Variants in TDG observed in about 807,000 individuals in gnomAD.
TDG encodes the protein G/T mismatch-specific thymine DNA glycosylase.
In TDG, 23 loss-of-function variants were observed where a neutral mutation model predicts 46.1. The ratio of observed to expected loss-of-function variants is 0.50; its 90% CI spans 0.36 to 0.71. The LOEUF is 0.71. Among genes scored for constraint, TDG ranks in the 30% least tolerant of loss-of-function variants. TDG has a pLI of 0.00. For missense variants in TDG, 304 were observed against 486.7 expected (o/e 0.62, Z 3.53); for synonymous variants, 115 against 161.3 (o/e 0.71, Z 2.18).
At chr12:103,971,675 T>G in intron 1 of TDG, among the ~76,000 whole-genome samples, 1 of 149,054 alleles carries the variant, frequency 6.7e-6, no homozygotes, top group African/African-American at 2.5e-5. Context: ...TGAGGGAGAG[T>G]GAGAGGTAGT....
rs1219607979 is a variant in TDG, at chr12:103,988,204, G to T, written c.*1114G>T. The T allele has an allele frequency of 3.3e-5, 5 of 152,258 alleles. No individual in the cohort carries two copies. The highest frequency in any genetic ancestry group is 4.4e-5 in the Non-Finnish European group (3 of 68,016). The allele number at this position is 152,258 out of a possible 1,614,324, so 9.4% of individuals were successfully genotyped here. ...CAGGTCTGGTAGATATTAAAGCTGG[G>T]TACTAAGAAATGTTATTTGCATCCT... On this transcript the variant is annotated 3_prime_UTR_variant, in exon 10 of 10. Coordinates refer to ENST00000392872, the MANE Select transcript of TDG (RefSeq NM_003211.6).
At chr12:103,970,885 A>G (rs1387151843) in intron 1 of TDG, among the ~76,000 whole-genome samples, 5 of 152,206 alleles carry the variant, frequency 3.3e-5, no homozygotes, top group South Asian at 2.1e-4. Context: ...TTCCATATCT[A>G]TGGATTCTGC....
At chr12:103,980,120 A>C (rs377372681) in intron 3 of TDG, 48 bp downstream of exon 3, 1 of 1,604,954 alleles carries the variant, frequency 6.2e-7, no homozygotes, top group Non-Finnish European at 8.5e-7. Flanking sequence ...TTGGGGGATC[A>C]GCTTTACTTA....
At chr12:103,976,125 C>G (rs1026265872) in intron 1 of TDG, among the ~76,000 whole-genome samples, 1 of 151,872 alleles carries the variant, frequency 6.6e-6, no homozygotes, top group Non-Finnish European at 1.5e-5. Context: ...AAATATAGGC[C>G]TGGGTGCAGT....
At chr12:103,980,671 T>G in intron 3 of TDG, 1 of 432,288 alleles carries the variant, frequency 2.3e-6, no homozygotes, top group Non-Finnish European at 4.1e-6. Context: ...CAAACTGGTT[T>G]TTTAAAATAA....
At chr12:103,978,559 A>G (rs1871650167) in intron 2 of TDG, among the ~76,000 whole-genome samples, 1 of 152,220 alleles carries the variant, frequency 6.6e-6, no homozygotes, top group African/African-American at 2.4e-5. Flanking sequence ...GGAGTGGCTA[A>G]GACAATGTGA....
At chr12:103,981,046 T>A in intron 4 of TDG, 84 bp downstream of exon 4, 2 of 1,264,472 alleles carry the variant, frequency 1.6e-6, no homozygotes, top group South Asian at 2.6e-5. Context: ...AATTGTGTTT[T>A]TAAAAAGAAA....
At chr12:103,971,478 C>T (rs1304403069) in intron 1 of TDG, among the ~76,000 whole-genome samples, 1 of 152,118 alleles carries the variant, frequency 6.6e-6, no homozygotes, top group African/African-American at 2.4e-5. Context: ...ATCACTTGAA[C>T]CCAGGAGGCA....
chr12:103,974,390 C>T (rs1265749741), intron 1 of TDG, among the ~76,000 whole-genome samples: 1 of 152,086 alleles, frequency 6.6e-6, no homozygotes, highest in African/African-American at 2.4e-5. Flanking sequence ...AATCCTCCTG[C>T]CTCACCCTCC....
At chr12:103,985,982 C>G (rs1872134214) in intron 9 of TDG, among the ~76,000 whole-genome samples, 1 of 152,134 alleles carries the variant, frequency 6.6e-6, no homozygotes, top group Non-Finnish European at 1.5e-5. Flanking sequence ...TGCAGTGGCT[C>G]GATCTTGGCT....
At position 103,965,890 on chromosome 12, in the gene TDG, C is replaced by A; in HGVS notation, c.-148C>A. The A allele has an allele frequency of 1.6e-6, 2 of 1,277,638 alleles. No homozygotes were observed. Among genetic ancestry groups the A allele is most frequent in the Non-Finnish European group, 2.1e-6 (2 of 938,302 alleles). 79.1% of individuals were successfully genotyped at this position (1,277,638 alleles called of 1,614,324 possible). A position where few individuals can be genotyped will look rare whatever the true frequency, so the allele number is the denominator to read the frequency against. On this transcript the variant is annotated 5_prime_UTR_variant, in exon 1 of 10. Coordinates refer to ENST00000392872, the MANE Select transcript of TDG (RefSeq NM_003211.6). Reference sequence around the variant, plus strand: ...GGACGGTAGAAGCCTGGAGGAGGAGCTTGAGTCCAGCCACTGTCTGGGTAC... The same window carrying A: ...GGACGGTAGAAGCCTGGAGGAGGAGATTGAGTCCAGCCACTGTCTGGGTAC...
intron 2 of TDG, among the ~76,000 whole-genome samples, chr12:103,977,846 C>T (rs322108): frequency 0.14 from 20,946 of 152,058 alleles, 1,597 homozygotes; most frequent in Admixed American, 0.2. Flanking sequence ...GGTAGATCAC[C>T]TGAGGTCAGG....
chr12:103,969,409 T>C (rs1338312100), intron 1 of TDG, among the ~76,000 whole-genome samples: 1 of 152,226 alleles, frequency 6.6e-6, no homozygotes, highest in Non-Finnish European at 1.5e-5. Flanking sequence ...CCTGACTTAC[T>C]ACTGAAAGAA....
chr12:103,966,134 C>T (rs1871002563), intron 1 of TDG, 74 bp downstream of exon 1: 1 of 1,411,688 alleles, frequency 7.1e-7, no homozygotes, highest in Non-Finnish European at 9.3e-7. Context: ...CGCGCGCGCG[C>T]ACGCAGGGGT....
intron 1 of TDG, among the ~76,000 whole-genome samples, chr12:103,973,363 G>A (rs1224131260): frequency 2.6e-5 from 4 of 152,140 alleles, no homozygotes; most frequent in African/African-American, 2.4e-5. Flanking sequence ...GAGATTACAG[G>A]CGTGAGCCAC....
chr12:103,968,854 C>A (rs536016664), intron 1 of TDG, among the ~76,000 whole-genome samples: 1 of 152,344 alleles, frequency 6.6e-6, no homozygotes, highest in African/African-American at 2.4e-5. Context: ...ATTGACCGGG[C>A]ACAGTGGCTG....
Position 103,982,866 on chromosome 12 carries a change from A to C in TDG, c.546A>C (p.Pro182=), listed in dbSNP as rs1291510766. Residue 182 remains proline, a synonymous_variant, in exon 5 of 10, where the codon CCA becomes CCC. Transcript: ENST00000392872. ...QLNHMDDHTL[P]GKYGIGFTNM... ...ACCATATGGATGATCACACTCTACCAGGGAAGTATGGTATTGGATTTACCA... is the reference window on the plus strand; with the variant it reads ...ACCATATGGATGATCACACTCTACCCGGGAAGTATGGTATTGGATTTACCA... 8.1e-6 allele frequency: 13 copies of C among 1,614,044 alleles called. No individual in the cohort carries two copies. The highest frequency in any genetic ancestry group is 1.1e-5 in the Non-Finnish European group (13 of 1,180,048).
chr12:103,980,888 T>C lies in TDG; in HGVS notation c.409-5T>C. On this transcript the variant is annotated splice_polypyrimidine_tract_variant and splice_region_variant and intron_variant, in intron 3 of 9. Transcript: ENST00000392872. Reference sequence around the variant, plus strand: ...GATGAAATGTCTAATTGTTTTGTTTTATAGATTGGCATAAACCCGGGACTA... The same window carrying C: ...GATGAAATGTCTAATTGTTTTGTTTCATAGATTGGCATAAACCCGGGACTA... 1 of 1,613,110 alleles carries C rather than the reference T, an allele frequency of 6.2e-7. No homozygotes were observed. The highest frequency in any genetic ancestry group is 8.5e-7 in the Non-Finnish European group (1 of 1,179,738).
At chr12:103,978,576 A>G (rs1345727527) in intron 2 of TDG, among the ~76,000 whole-genome samples, 6 of 152,234 alleles carry the variant, frequency 3.9e-5, no homozygotes, top group African/African-American at 1.4e-4. Context: ...GTGAGGCAGA[A>G]GAGAGGAGGG....
Sources: gnomAD v4.1 joint callset for allele counts (sites outside exome capture counted in the v4.1 genomes callset) on GRCh38, gnomAD v4.1.1 for gene constraint, MANE v1.5 for transcripts, NCBI Gene and HGNC (gene_info 2026-07-23, HGNC 2026-07-21) for gene names.